Variants in EIF4G1 observed in about 807,000 individuals in gnomAD.
EIF4G1 encodes the protein eukaryotic translation initiation factor 4 gamma 1, also known as EIF4-gamma.
EIF4G1 carries 4 observed loss-of-function variants against 187.8 expected under a neutral mutation model. That is an observed-to-expected ratio of 0.02 (90% CI 0.01 to 0.05). The LOEUF (loss-of-function observed/expected upper bound fraction) is 0.05, where lower values mean the gene tolerates loss of function less well. Among genes scored for constraint, EIF4G1 ranks in the 10% least tolerant of loss-of-function variants. EIF4G1 has a pLI of 1.00. For missense variants in EIF4G1, 1,647 were observed against 2,081.1 expected, an observed-to-expected ratio of 0.79 and a Z score of 4.06; for synonymous variants, 844 against 781.4, an observed-to-expected ratio of 1.08 and a Z score of -1.34.
intron 28 of EIF4G1, among the ~76,000 whole-genome samples, chr3:184,329,450 G>A (rs1725597902): frequency 6.6e-6 from 1 of 152,136 alleles, no homozygotes; most frequent in Admixed American, 6.5e-5. Context: ...GGCCAATATG[G>A]TGAAACCCCA....
At position 184,335,024 on chromosome 3, in the gene EIF4G1, G is replaced by A. The variant is rs775993254; in HGVS notation, c.*116G>A. 23 of 1,393,126 alleles carry A rather than the reference G, an allele frequency of 1.7e-5. No homozygotes were observed. Among genetic ancestry groups the A allele is most frequent in the South Asian group, 2.5e-5 (2 of 81,344 alleles). The allele number at this position is 1,393,126 out of a possible 1,614,324, so 86.3% of individuals were successfully genotyped here. On this transcript the variant is annotated 3_prime_UTR_variant, in exon 33 of 33. Coordinates refer to ENST00000346169, the MANE Select transcript of EIF4G1 (RefSeq NM_198241.3). ...TGGCAGTGGGTGCCTGTAGTGTGAT[G>A]TGTCTGAACTAATAAAGTGGCTGAA...
Position 184,327,631 on chromosome 3 carries a change from C to T in EIF4G1, c.3707C>T (p.Ala1236Val). The T allele has an allele frequency of 6.2e-7, 1 of 1,614,202 alleles. No homozygotes were observed. Among genetic ancestry groups the T allele is most frequent in the Non-Finnish European group, 8.5e-7 (1 of 1,180,036 alleles). The change falls in exon 25 of 33, where the codon GCT becomes GTT. Residue 1236 changes from alanine to valine, a missense_variant. Around this residue, in one of 11 missense-constraint regions of EIF4G1, gnomAD observed 543 missense variants for 638.0 expected, o/e 0.85. Transcript: ENST00000346169. ...CCCCCAGTGAGCCCCCTGAAGGCGGCTCTCTCTGAGGAGGAGTTAGAGAAG... is the reference window on the plus strand; with the variant it reads ...CCCCCAGTGAGCCCCCTGAAGGCGGTTCTCTCTGAGGAGGAGTTAGAGAAG... The part of the protein sequence containing the change: ...ALPPVSPLKA[A>V]LSEEELEKKS...
rs1002136274 is a variant in EIF4G1, at chr3:184,323,313, G to T, written c.2088+72G>T. 4 of 1,611,474 alleles carry T rather than the reference G, an allele frequency of 2.5e-6. No homozygotes were observed. Among genetic ancestry groups the T allele is most frequent in the Non-Finnish European group, 3.4e-6 (4 of 1,178,188 alleles). ...GATGATTCCGTGTCTCAGTGCCCGC[G>T]GGGAGGGGTTTGCCCTGGAGGCGTG... On this transcript the variant is annotated intron_variant, in intron 14 of 32. Coordinates refer to ENST00000346169, the MANE Select transcript of EIF4G1 (RefSeq NM_198241.3). The surrounding 1 kb of genome is among the most constrained non-coding windows in gnomAD (Gnocchi z 6.9).
At chr3:184,317,262 C>G in intron 4 of EIF4G1, 59 bp from the exon 5 acceptor site, 1 of 1,591,790 alleles carries the variant, frequency 6.3e-7, no homozygotes, top group African/African-American at 1.3e-5. Flanking sequence ...TGTGGAGTGG[C>G]AATTTTTTGT....
chr3:184,330,437 TG>T (rs1725831309), intron 28 of EIF4G1, among the ~76,000 whole-genome samples: 2 of 151,924 alleles, frequency 1.3e-5, no homozygotes, highest in Non-Finnish European at 2.9e-5. Context: ...TGTGAAAAAA[TG>T]GGCATGTTTT....
At chr3:184,326,487 C>T (rs368872604) in intron 21 of EIF4G1, 40 bp from the exon 22 acceptor site, 39 of 1,609,440 alleles carry the variant, frequency 2.4e-5, no homozygotes, top group South Asian at 3.3e-5. Context: ...GGGACTCAGC[C>T]GGGTTGGACC....
chr3:184,335,282 A>C lies in EIF4G1; in HGVS notation c.*374A>C. 1 of 242,594 alleles carries C rather than the reference A, an allele frequency of 4.1e-6. No homozygotes were observed. Among genetic ancestry groups the C allele is most frequent in the Non-Finnish European group, 8.2e-6 (1 of 121,306 alleles). The allele number at this position is 242,594 out of a possible 1,614,324, so 15.0% of individuals were successfully genotyped here. On this transcript the variant is annotated 3_prime_UTR_variant, in exon 33 of 33. Transcript: ENST00000346169. ...GGGCATATGCCCCAGCCCCTGTACCACCCCTGCTGTTGCCTGGGCAGGGGG... is the reference window on the plus strand; with the variant it reads ...GGGCATATGCCCCAGCCCCTGTACCCCCCCTGCTGTTGCCTGGGCAGGGGG...
chr3:184,326,490 GT>G (rs1214380428), intron 21 of EIF4G1, 36 bp from the exon 22 acceptor site: 2 of 1,611,782 alleles, frequency 1.2e-6, no homozygotes, highest in Admixed American at 1.7e-5. Flanking sequence ...ACTCAGCCGG[GT>G]TGGACCTATG....
At chr3:184,319,329 T>G in intron 6 of EIF4G1, 2 of 317,550 alleles carry the variant, frequency 6.3e-6, no homozygotes, top group South Asian at 3.1e-5. Flanking sequence ...TGATAGCGGG[T>G]GGGGTACACA....
chr3:184,320,967 C>G lies in EIF4G1; in HGVS notation c.671C>G (p.Pro224Arg), dbSNP rs1301261088. 6.2e-7 allele frequency: 1 copy of G among 1,614,000 alleles called. No homozygotes were observed. Among genetic ancestry groups the G allele is most frequent in the South Asian group, 1.1e-5 (1 of 91,082 alleles). ...GAGCCTCAAGCTAATGGGGAGACGCCCCAGGTTGCTGTCATTGTCCGGCCA... is the reference window on the plus strand; with the variant it reads ...GAGCCTCAAGCTAATGGGGAGACGCGCCAGGTTGCTGTCATTGTCCGGCCA... ...GLEPQANGET[P>R]QVAVIVRPDD... Residue 224 changes from proline (P) to arginine (R), a missense_variant, in exon 9 of 33, where the codon CCC (proline) becomes CGC (arginine). By Grantham distance (103) the Pro-to-Arg change is moderately radical. Transcript: ENST00000346169.
In EIF4G1 at chr3:184,322,650, A is replaced by T; in HGVS notation, c.1715A>T (p.Glu572Val). Residue 572 changes from glutamate (E) to valine (V), a missense_variant, in exon 12 of 33, where the codon GAG becomes GTG. Glu to Val is a moderately radical substitution (Grantham distance 121). This residue lies in a region of EIF4G1 where 522 missense variants were observed against 485.2 expected (regional missense o/e 1.08). Transcript: ENST00000346169. ...GVPPRPEEADETWDSKEDKIH... is the reference protein window; with the variant it reads ...GVPPRPEEADVTWDSKEDKIH... ...CCCCCACGTCCTGAGGAAGCAGATG[A>T]GACCTGGGACTCAAAGGAAGACAAA... 1 of 1,614,216 alleles carries T rather than the reference A, an allele frequency of 6.2e-7. No homozygotes were observed.
rs756782440 is a variant in EIF4G1 at position 184,323,616 on chromosome 3, GTC to G, written c.2274+30_2274+31del. On this transcript the variant is annotated intron_variant, in intron 15 of 32. Coordinates refer to ENST00000346169, the MANE Select transcript of EIF4G1 (RefSeq NM_198241.3). This position sits in a 1 kb window ranked among gnomAD's most constrained non-coding sequence, Gnocchi z 6.9. ...CAGGTACTGGCAAGTCCTGCTTTTG[GTC>G]TCTCTCCATTTCTTCTCCAGGTCTG... 6.2e-6 allele frequency: 10 copies of G among 1,613,658 alleles called. No homozygotes were observed. Among genetic ancestry groups the G allele is most frequent in the East Asian group, 2.2e-5 (1 of 44,868 alleles).
At chr3:184,324,395 C>T in intron 17 of EIF4G1, 48 bp downstream of exon 17, 1 of 1,613,250 alleles carries the variant, frequency 6.2e-7, no homozygotes, top group Non-Finnish European at 8.5e-7. Flanking sequence ...ACCTCCTTCC[C>T]TTACCCAGAT....
Position 184,325,386 on chromosome 3 carries a change from C to G in EIF4G1, c.2961+13C>G. ...GGATCTGCGAGGGGTGTGTGTCCCC[C>G]TCCTCCCCACTGCCAGCCTGCTGCC... On this transcript the variant is annotated intron_variant, in intron 19 of 32. Coordinates refer to ENST00000346169, the MANE Select transcript of EIF4G1 (RefSeq NM_198241.3). This position sits in a 1 kb window ranked among gnomAD's most constrained non-coding sequence, Gnocchi z 5.2. 6.2e-7 allele frequency: 1 copy of G among 1,614,170 alleles called. No homozygotes were observed. The highest frequency in any genetic ancestry group is 8.5e-7 in the Non-Finnish European group (1 of 1,180,008).
In EIF4G1 at chr3:184,334,114, C is replaced by T. The variant is rs1343098834; in HGVS notation, c.4619-613C>T. The stretch of plus-strand genomic sequence containing the variant: ...GTTGTGTTTCAGGGGTTATAGGACA[C>T]GTTGCTTGGGAAGGCTACCCAGCAG... On this transcript the variant is annotated intron_variant, in intron 32 of 32. Coordinates refer to ENST00000346169, the MANE Select transcript of EIF4G1 (RefSeq NM_198241.3). The surrounding 1 kb of genome is among the most constrained non-coding windows in gnomAD (Gnocchi z 5.8). 4.6e-5 allele frequency among the ~76,000 whole-genome samples: 7 copies of T among 152,096 alleles called. No homozygotes were observed. The highest frequency in any genetic ancestry group is 7.2e-5 in the African/African-American group (3 of 41,396).
chr3:184,324,449 G>A, intron 17 of EIF4G1, 102 bp downstream of exon 17: 4 of 1,565,470 alleles, frequency 2.6e-6, no homozygotes, highest in Non-Finnish European at 3.5e-6. Flanking sequence ...TGGTGTCTTG[G>A]GGATTTCTCT....
intron 28 of EIF4G1, 52 bp from the exon 29 acceptor site, chr3:184,331,214 G>A: frequency 6.3e-7 from 1 of 1,588,572 alleles, no homozygotes; most frequent in Non-Finnish European, 8.6e-7. Context: ...GAGCTGTTGG[G>A]TCCTTGGAGA....
rs754174783 is a variant in EIF4G1 at position 184,328,775 on chromosome 3, A to G, written c.4079+19A>G. 4.3e-6 allele frequency: 7 copies of G among 1,613,914 alleles called. No individual in the cohort carries two copies. The African/African-American group carries it at 6.7e-5, about 15-fold the overall frequency. On this transcript the variant is annotated intron_variant, in intron 27 of 32. Coordinates refer to ENST00000346169, the MANE Select transcript of EIF4G1 (RefSeq NM_198241.3). ...TGTTCAGGTAAGTCCCCCTGGGTGG[A>G]ATTCAGGGGAGGTAAAGACCAGAGG... is the stretch of plus-strand genomic sequence containing the variant.
chr3:184,315,728 C>G, intron 2 of EIF4G1, 35 bp from the exon 3 acceptor site: 2 of 1,509,698 alleles, frequency 1.3e-6, no homozygotes, highest in Admixed American at 2.0e-5. Context: ...AGCTTGGGTC[C>G]CTTCCTCTTC....
Sources: gnomAD v4.1 joint callset for allele counts (sites outside exome capture counted in the v4.1 genomes callset) on GRCh38, gnomAD v4.1.1 for gene constraint, gnomAD v4.1.1 regional missense constraint, Gnocchi (gnomAD v3.1) non-coding constraint, MANE v1.5 for transcripts, NCBI Gene and HGNC (gene_info 2026-07-23, HGNC 2026-07-21) for gene names.